NCOR2: variants seen among roughly 807,000 people sequenced by gnomAD.
NCOR2 encodes CTG repeat protein 26.
Under a neutral mutation model 262.9 loss-of-function variants are expected in NCOR2, and 81 were observed. The ratio of observed to expected loss-of-function variants is 0.31; its 90% CI spans 0.26 to 0.37. NCOR2 has a LOEUF of 0.37. Ranked by LOEUF, NCOR2 falls within the 10% of genes least tolerant of loss-of-function variation. NCOR2 has a pLI of 1.00. For synonymous variants in NCOR2, 1,659 were observed against 1,559.3 expected, an observed-to-expected ratio of 1.06 and a Z score of -1.51; for missense variants, 3,385 against 3,621.4, an observed-to-expected ratio of 0.93 and a Z score of 1.68.
Position 124,356,801 on chromosome 12 carries a change from T to C in NCOR2, c.3101-19A>G, listed in dbSNP as rs889545982. On this transcript the variant is annotated intron_variant, in intron 22 of 46. Coordinates refer to ENST00000405201, the Ensembl canonical transcript of NCOR2. Reference sequence around the variant, plus strand: ...GCGAAGGCTGGGAAGAACACAGGCTTCTCTGCTGAGGGCAGGAGGTGGGGC... The same window carrying C: ...GCGAAGGCTGGGAAGAACACAGGCTCCTCTGCTGAGGGCAGGAGGTGGGGC... 32 of 1,457,390 alleles carry C rather than the reference T, an allele frequency of 2.2e-5. No homozygotes were observed. Among genetic ancestry groups the C allele is most frequent in the African/African-American group, 7.5e-5 (5 of 66,924 alleles). 90.3% of individuals were successfully genotyped at this position (1,457,390 alleles called of 1,614,324 possible). A position where few individuals can be genotyped will look rare whatever the true frequency, so the allele number is the denominator to read the frequency against.
At chr12:124,427,954 TTC>T (rs1158138950) in intron 10 of NCOR2, among the ~76,000 whole-genome samples, 1 of 151,886 alleles carries the variant, frequency 6.6e-6, no homozygotes, top group Non-Finnish European at 1.5e-5. Flanking sequence ...CTGGGGAAGT[TTC>T]TGTCCCAAAT....
intron 1 of NCOR2, among the ~76,000 whole-genome samples, chr12:124,519,798 C>G (rs1306297091): frequency 6.6e-6 from 1 of 152,184 alleles, no homozygotes; most frequent in African/African-American, 2.4e-5. Context: ...GGTTCACCAG[C>G]TGGCCTCACA....
intron 38 of NCOR2, chr12:124,336,059 T>A: frequency 5.5e-6 from 1 of 181,046 alleles, no homozygotes; most frequent in Non-Finnish European, 1.2e-5. Flanking sequence ...GCCTCGGCCA[T>A]CCCAGTCCAA....
chr12:124,360,249 T>C (rs1188132135), intron 22 of NCOR2, among the ~76,000 whole-genome samples: 9 of 152,192 alleles, frequency 5.9e-5, no homozygotes, highest in African/African-American at 1.9e-4. Flanking sequence ...CCGCACACTG[T>C]ACCCTGGCCC....
chr12:124,564,010 TATAAA>T (rs2052153757), intron 1 of NCOR2, among the ~76,000 whole-genome samples: 2 of 152,214 alleles, frequency 1.3e-5, no homozygotes, highest in Admixed American at 1.3e-4. Flanking sequence ...GTTCACCATC[TATAAA>T]ATAAGATAAT....
At chr12:124,327,074 C>G (rs922600062) in intron 45 of NCOR2, among the ~76,000 whole-genome samples, 1 of 152,166 alleles carries the variant, frequency 6.6e-6, no homozygotes, top group Non-Finnish European at 1.5e-5. Flanking sequence ...CTGCTCTCCC[C>G]CAAGGAGACA....
chr12:124,512,154 C>T (rs1445709807), intron 1 of NCOR2, among the ~76,000 whole-genome samples: 1 of 152,278 alleles, frequency 6.6e-6, no homozygotes, highest in East Asian at 1.9e-4. Flanking sequence ...TCAAGTGATG[C>T]GCCCACCTCG....
intron 1 of NCOR2, among the ~76,000 whole-genome samples, chr12:124,500,826 G>A (rs1323730813): frequency 3.3e-5 from 5 of 152,158 alleles, no homozygotes; most frequent in African/African-American, 1.2e-4. Flanking sequence ...CTCAGGGTGA[G>A]GGGCAGGCGG....
At chr12:124,565,544 T>G (rs1469789241) in intron 1 of NCOR2, among the ~76,000 whole-genome samples, 1 of 67,172 alleles carries the variant, frequency 1.5e-5, no homozygotes, top group Non-Finnish European at 3.2e-5. Context: ...CTCCCCCAGA[T>G]CCCCCCACTG....
rs1435998348 is a variant in NCOR2, at chr12:124,378,950, A to T, written c.2020-566T>A. Among the ~76,000 whole-genome samples, 1 of 31,148 alleles carries T rather than the reference A, an allele frequency of 3.2e-5. No homozygotes were observed. Among genetic ancestry groups the T allele is most frequent in the African/African-American group, 7.7e-5 (1 of 12,912 alleles). The allele number at this position is 31,148 out of a possible 152,430, so 20.4% of individuals were successfully genotyped here. On this transcript the variant is annotated intron_variant, in intron 17 of 46. Coordinates refer to ENST00000405201, the Ensembl canonical transcript of NCOR2. The surrounding 1 kb of genome is among the most constrained non-coding windows in gnomAD (Gnocchi z 4.2). ...TGGAGGCTGCCCTGCCGCTGGGGAG[A>T]CTGGCAACGTGCTCCTCACACAGAA...
At chr12:124,357,009 G>A (rs1325154975) in intron 22 of NCOR2, among the ~76,000 whole-genome samples, 1 of 152,244 alleles carries the variant, frequency 6.6e-6, no homozygotes, top group African/African-American at 2.4e-5. Context: ...CTGAGCTGGG[G>A]GCTCTCAGCT....
chr12:124,329,726 A>G (rs1256666759), intron 44 of NCOR2, among the ~76,000 whole-genome samples: 1 of 152,242 alleles, frequency 6.6e-6, no homozygotes, highest in Non-Finnish European at 1.5e-5. Flanking sequence ...CCTAGGTGAC[A>G]GAAAGACCGT....
At chr12:124,487,691 T>C (rs1405791922) in intron 1 of NCOR2, among the ~76,000 whole-genome samples, 1 of 152,262 alleles carries the variant, frequency 6.6e-6, no homozygotes, top group Non-Finnish European at 1.5e-5. Context: ...CTCTCCCTTA[T>C]CGTGACAGTC....
At chr12:124,422,315 G>A (rs1287491337) in intron 12 of NCOR2, among the ~76,000 whole-genome samples, 186 bp downstream of exon 14, 1 of 152,184 alleles carries the variant, frequency 6.6e-6, no homozygotes, top group East Asian at 1.9e-4. Context: ...GGCCAGGGCG[G>A]GGCCTGCACT....
At chr12:124,337,440 G>A (rs144407230) in intron 37 of NCOR2, 1 of 667,922 alleles carries the variant, frequency 1.5e-6, no homozygotes, top group African/African-American at 1.8e-5. Flanking sequence ...TAGACACTGT[G>A]AATACAGCGG....
At chr12:124,553,284 G>C (rs1056701467) in intron 1 of NCOR2, among the ~76,000 whole-genome samples, 1 of 152,156 alleles carries the variant, frequency 6.6e-6, no homozygotes, top group African/African-American at 2.4e-5. Context: ...CCCATCTCAA[G>C]GTCAGCTGGT....
chr12:124,498,437 C>A (rs945530854), upstream of NCOR2, among the ~76,000 whole-genome samples: 9 of 152,262 alleles, frequency 5.9e-5, no homozygotes, highest in African/African-American at 2.2e-4. Flanking sequence ...CCCCCACCAG[C>A]CCCCCACCCA....
intron 1 of NCOR2, among the ~76,000 whole-genome samples, chr12:124,557,167 G>A (rs1269928503): frequency 3.3e-5 from 5 of 152,246 alleles, no homozygotes; most frequent in East Asian, 1.9e-4. Context: ...TGGCTGCCAC[G>A]TGGGGGATGG....
chr12:124,381,778 C>G (rs1269481), intron 17 of NCOR2, among the ~76,000 whole-genome samples: 1 of 151,970 alleles, frequency 6.6e-6, no homozygotes. Context: ...AAGGCTGAGG[C>G]GGACAGAGAC....
Sources: gnomAD v4.1 joint callset for allele counts (sites outside exome capture counted in the v4.1 genomes callset) on GRCh38, gnomAD v4.1.1 for gene constraint, Gnocchi (gnomAD v3.1) non-coding constraint, MANE v1.5 for transcripts, NCBI Gene and HGNC (gene_info 2026-07-23, HGNC 2026-07-21) for gene names.